FNBP4: variants seen among roughly 807,000 people sequenced by gnomAD.
FNBP4 encodes formin binding protein 4, also known as formin-binding protein 4.
FNBP4 carries 34 observed loss-of-function variants against 119.3 expected under a neutral mutation model. That is an observed-to-expected ratio of 0.28 (90% CI 0.22 to 0.38). The LOEUF (loss-of-function observed/expected upper bound fraction) is 0.38, where lower values mean the gene tolerates loss of function less well. Ranked by LOEUF, FNBP4 falls within the 10% of genes least tolerant of loss-of-function variation. The pLI is 1.00. For missense variants in FNBP4, 1,112 were observed against 1,228.9 expected (o/e 0.90, Z 1.42); for synonymous variants, 462 against 430.6 (o/e 1.07, Z -0.90).
Position 47,750,891 on chromosome 11 carries a change from AAATGAGGT to A in FNBP4, c.906+17_906+24del. 6.2e-7 allele frequency: 1 copy of A among 1,612,142 alleles called. No homozygotes were observed. Among genetic ancestry groups the A allele is most frequent in the Non-Finnish European group, 8.5e-7 (1 of 1,179,402 alleles). ...ACGCTTATTAGATCTGAAAATAAAC[AAATGAGGT>A]AAGTTTCGACACTGACCTTTTTAAC... On this transcript the variant is annotated intron_variant, in intron 6 of 16. Coordinates refer to ENST00000263773, the MANE Select transcript of FNBP4 (RefSeq NM_015308.5).
intron 8 of FNBP4, among the ~76,000 whole-genome samples, chr11:47,737,466 G>T (rs1184831626): frequency 6.6e-6 from 1 of 152,042 alleles, no homozygotes; most frequent in Non-Finnish European, 1.5e-5. Context: ...TAGAGACAGG[G>T]TCTCATTCTG....
intron 12 of FNBP4, chr11:47,730,336 G>A (rs2097565952): frequency 4.4e-6 from 3 of 674,234 alleles, no homozygotes; most frequent in Non-Finnish European, 5.5e-6. Context: ...CTTCTAAAAT[G>A]TGAAGTAGAA....
rs988837255 is a variant in FNBP4, at chr11:47,740,335, C to T, written c.1457-3595G>A. 7.2e-3 allele frequency among the ~76,000 whole-genome samples: 1,079 copies of T among 149,366 alleles called. 10 individuals are homozygous for T. The highest frequency in any genetic ancestry group is 0.02 in the African/African-American group (807 of 39,528). On this transcript the variant is annotated intron_variant, in intron 8 of 16. Coordinates refer to ENST00000263773, the MANE Select transcript of FNBP4 (RefSeq NM_015308.5). ...GAGGCTGAGATAGAACTGCTTGTACCCGGGAGGTGGAAGTTGCAGTGAGCC... is the reference window on the plus strand; with the variant it reads ...GAGGCTGAGATAGAACTGCTTGTACTCGGGAGGTGGAAGTTGCAGTGAGCC...
chr11:47,745,071 T>A (rs1405274472), intron 7 of FNBP4, among the ~76,000 whole-genome samples: 2 of 152,220 alleles, frequency 1.3e-5, no homozygotes, highest in Non-Finnish European at 2.9e-5. Context: ...GTTATCTTAG[T>A]AAGCTGAGGA....
At chr11:47,744,381 C>G (rs2097586386) in intron 7 of FNBP4, among the ~76,000 whole-genome samples, 1 of 151,806 alleles carries the variant, frequency 6.6e-6, no homozygotes, top group African/African-American at 2.4e-5. Context: ...TCAAGCAATC[C>G]TCCCACCTCA....
intron 8 of FNBP4, among the ~76,000 whole-genome samples, chr11:47,739,938 C>T (rs1285311239): frequency 7.2e-6 from 1 of 138,506 alleles, no homozygotes; most frequent in African/African-American, 2.7e-5. Context: ...GCCACCACGC[C>T]CGGCTAGTTT....
chr11:47,763,843 A>G (rs1323418010), intron 2 of FNBP4, among the ~76,000 whole-genome samples: 1 of 151,934 alleles, frequency 6.6e-6, no homozygotes, highest in Non-Finnish European at 1.5e-5. Flanking sequence ...AAAGGTGTTG[A>G]CCCCTCAAAC....
At position 47,723,005 on chromosome 11, in the gene FNBP4, C is replaced by T. The variant is rs923573810; in HGVS notation, c.2776G>A (p.Glu926Lys). 18 of 1,546,898 alleles carry T rather than the reference C, an allele frequency of 1.2e-5. No homozygotes were observed. Among genetic ancestry groups the T allele is most frequent in the African/African-American group, 1.4e-5 (1 of 72,264 alleles). Residue 926 changes from glutamate (E) to lysine (K), a missense_variant, in exon 15 of 17, where the codon GAA (glutamate) becomes AAA (lysine). By Grantham distance (56) the Glu-to-Lys change is moderately conservative (BLOSUM62 1). This residue lies in a region of FNBP4 where 826 missense variants were observed against 988.8 expected (regional missense o/e 0.84). Transcript: ENST00000263773. ...PPPAPKMPPPEKTKKGRKDKA... is the reference protein window; with the variant it reads ...PPPAPKMPPPKKTKKGRKDKA... The stretch of plus-strand genomic sequence containing the variant: ...TCTTTCCTTCCTTTTTTTGTCTTTT[C>T]AGGTGGTGGCATTTTGGGAGCTGGT...
intron 6 of FNBP4, 93 bp from the exon 7 acceptor site, chr11:47,746,487 T>A: frequency 8.9e-7 from 1 of 1,129,292 alleles, no homozygotes; most frequent in Non-Finnish European, 1.2e-6. Flanking sequence ...TATTAACTGT[T>A]TTCAGTAGCT....
At chr11:47,748,657 A>T in intron 6 of FNBP4, among the ~76,000 whole-genome samples, 1 of 151,446 alleles carries the variant, frequency 6.6e-6, no homozygotes, top group East Asian at 1.9e-4. Flanking sequence ...ATTATTATTA[A>T]ATTTTTTTTT....
rs913013451 is a variant in FNBP4 at position 47,728,836 on chromosome 11, T to C, written c.2008+2538A>G. ...GAGTCACTGCACCTAAGAACCTTGC[T>C]TCTGTAGGCGTCTTTTTTTTTTTTT... On this transcript the variant is annotated intron_variant, in intron 12 of 16. Coordinates refer to ENST00000263773, the MANE Select transcript of FNBP4 (RefSeq NM_015308.5). Among the ~76,000 whole-genome samples, 18 of 147,632 alleles carry C rather than the reference T, an allele frequency of 1.2e-4. No individual in the cohort carries two copies. The Admixed American group carries it at 1.3e-3, about 10-fold the overall frequency.
intron 2 of FNBP4, 55 bp downstream of exon 2, chr11:47,765,215 T>A (rs999690579): frequency 5.9e-6 from 7 of 1,193,422 alleles, no homozygotes; most frequent in Non-Finnish European, 7.4e-6. Flanking sequence ...AAACCCAACT[T>A]GACTTTAATG....
intron 2 of FNBP4, among the ~76,000 whole-genome samples, chr11:47,757,284 C>T (rs961833121): frequency 2.6e-5 from 4 of 151,762 alleles, no homozygotes; most frequent in Non-Finnish European, 5.9e-5. Context: ...GCAGTGGCTC[C>T]GCTCACTACA....
intron 16 of FNBP4, among the ~76,000 whole-genome samples, chr11:47,717,830 C>A (rs1450417440): frequency 6.6e-6 from 1 of 152,108 alleles, no homozygotes; most frequent in Non-Finnish European, 1.5e-5. Flanking sequence ...CTCACCGCAA[C>A]CTCCGCCTCC....
In FNBP4 at chr11:47,730,249, A is replaced by T. The variant is rs1481495992; in HGVS notation, c.2008+1125T>A. The T allele has an allele frequency of 2.0e-5, 20 of 984,782 alleles. No individual in the cohort carries two copies. In the South Asian group the frequency reaches 6.1e-4, roughly 30 times the overall value. The allele number at this position is 984,782 out of a possible 1,614,324, so 61.0% of individuals were successfully genotyped here. A position where few individuals can be genotyped will look rare whatever the true frequency, so the allele number is the denominator to read the frequency against. The stretch of plus-strand genomic sequence containing the variant: ...TAGTCATGTCTATCACTGCTACCAA[A>T]AGAGAGGAAAAATATTCAAAAGAAA... On this transcript the variant is annotated intron_variant, in intron 12 of 16. Coordinates refer to ENST00000263773, the MANE Select transcript of FNBP4 (RefSeq NM_015308.5).
chr11:47,724,788 C>T lies in FNBP4; in HGVS notation c.2009-10G>A, dbSNP rs773543864. ...TCTTTACAAAGAGAACCTATGAAAACAGGTAAGAGTCAGGGAAAAAGCAAG... is the reference window on the plus strand; with the variant it reads ...TCTTTACAAAGAGAACCTATGAAAATAGGTAAGAGTCAGGGAAAAAGCAAG... On this transcript the variant is annotated splice_polypyrimidine_tract_variant and intron_variant, in intron 12 of 16. Transcript: ENST00000263773. 9.1e-6 allele frequency: 14 copies of T among 1,530,254 alleles called. No homozygotes were observed. Among genetic ancestry groups the T allele is most frequent in the Non-Finnish European group, 1.2e-5 (14 of 1,141,642 alleles). The allele number at this position is 1,530,254 out of a possible 1,614,324, so 94.8% of individuals were successfully genotyped here.
In FNBP4 at chr11:47,750,968, G is replaced by A. The variant is rs199966515; in HGVS notation, c.854C>T (p.Ser285Phe). 5.9e-5 allele frequency: 95 copies of A among 1,613,990 alleles called. No individual in the cohort carries two copies. In the African/African-American group the frequency reaches 1.1e-3, roughly 19 times the overall value. The change falls in exon 6 of 17, where the codon TCT becomes TTT. Residue 285 changes from serine to phenylalanine, a missense_variant. By Grantham distance (155) the Ser-to-Phe change is radical. Around this residue, in one of 2 missense-constraint regions of FNBP4, gnomAD observed 826 missense variants for 988.8 expected, o/e 0.84. Coordinates refer to ENST00000263773, the MANE Select transcript of FNBP4 (RefSeq NM_015308.5). ...TGGTCCACTTTTACTACTGGAAACA[G>A]AAATCGTTTTCTCCTTAGAATATAT... Reference protein sequence around the residue: ...TDIYSKEKTISVSSSKSGPVI... With the variant: ...TDIYSKEKTIFVSSSKSGPVI...
intron 8 of FNBP4, among the ~76,000 whole-genome samples, chr11:47,738,407 T>C (rs1161204126): frequency 6.6e-6 from 1 of 151,702 alleles, no homozygotes; most frequent in Non-Finnish European, 1.5e-5. Context: ...CTACTAAAAA[T>C]ACAAAAAATT....
intron 8 of FNBP4, 83 bp downstream of exon 8, chr11:47,743,870 T>C (rs1382318412): frequency 4.8e-6 from 6 of 1,255,926 alleles, no homozygotes; most frequent in Non-Finnish European, 6.8e-6. Context: ...TCCTGTTTTG[T>C]TGAAGAGGAA....
Sources: gnomAD v4.1 joint callset for allele counts (sites outside exome capture counted in the v4.1 genomes callset) on GRCh38, gnomAD v4.1.1 for gene constraint, gnomAD v4.1.1 regional missense constraint, MANE v1.5 for transcripts, NCBI Gene and HGNC (gene_info 2026-07-23, HGNC 2026-07-21) for gene names.